Variants in MAGI2 observed in about 807,000 individuals in gnomAD.
MAGI2 encodes the protein membrane associated guanylate kinase, WW and PDZ domain containing 2, also known as membrane-associated guanylate kinase, WW and PDZ domain-containing protein 2.
A neutral mutation model predicts 133.3 loss-of-function variants in MAGI2; 35 were observed. The ratio of observed to expected loss-of-function variants is 0.26; its 90% CI spans 0.20 to 0.35. MAGI2 has a LOEUF of 0.35. Ranked by LOEUF, MAGI2 falls within the 10% of genes least tolerant of loss-of-function variation. The pLI, the probability that MAGI2 is intolerant of heterozygous loss-of-function variation, is 1.00. For missense variants in MAGI2, 1,636 were observed against 1,863.4 expected, an observed-to-expected ratio of 0.88 and a Z score of 2.25; for synonymous variants, 729 against 710.6, an observed-to-expected ratio of 1.03 and a Z score of -0.41.
intron 21 of MAGI2, among the ~76,000 whole-genome samples, chr7:78,038,197 AAC>A (rs1294996097): frequency 2.0e-5 from 3 of 152,218 alleles, no homozygotes; most frequent in Non-Finnish European, 2.9e-5. Flanking sequence ...TTCAGCCCCT[AAC>A]ACAGTGCTGG....
chr7:78,325,400 A>C (rs915482056), intron 9 of MAGI2, among the ~76,000 whole-genome samples: 4 of 152,136 alleles, frequency 2.6e-5, no homozygotes, highest in African/African-American at 9.7e-5. Context: ...ATTCCTTATG[A>C]CTTAAGAGAT....
At chr7:79,359,953 A>T (rs67289031) in intron 1 of MAGI2, among the ~76,000 whole-genome samples, 22,107 of 152,138 alleles carry the variant, frequency 0.15, 1,713 homozygotes, top group South Asian at 0.25. Flanking sequence ...TGATTTTCAA[A>T]GTGTAAATAA....
intron 1 of MAGI2, among the ~76,000 whole-genome samples, chr7:79,112,139 A>ATT (rs894210200): frequency 6.6e-6 from 1 of 150,416 alleles, no homozygotes; most frequent in African/African-American, 2.4e-5. Flanking sequence ...ATAATTATAC[A>ATT]TTTTTTTTTA....
At chr7:78,511,066 T>A (rs1275458016) in intron 4 of MAGI2, among the ~76,000 whole-genome samples, 1 of 152,174 alleles carries the variant, frequency 6.6e-6, no homozygotes, top group Non-Finnish European at 1.5e-5. Flanking sequence ...TTTGTTATAT[T>A]GATCTAAGGT....
intron 3 of MAGI2, among the ~76,000 whole-genome samples, chr7:78,609,451 A>C (rs1030745832): frequency 1.3e-5 from 2 of 152,248 alleles, no homozygotes; most frequent in Non-Finnish European, 2.9e-5. Context: ...AAAGTTGATA[A>C]AAAGTCAATA....
chr7:78,529,834 C>A (rs1202192666), intron 3 of MAGI2, among the ~76,000 whole-genome samples: 2 of 150,716 alleles, frequency 1.3e-5, no homozygotes, highest in African/African-American at 4.9e-5. Flanking sequence ...TTAAAATTTT[C>A]TAGTTAGCCA....
At chr7:78,647,626 C>T (rs1482413425) in intron 2 of MAGI2, among the ~76,000 whole-genome samples, 1 of 152,010 alleles carries the variant, frequency 6.6e-6, no homozygotes, top group South Asian at 2.1e-4. Flanking sequence ...ACCATTTGAC[C>T]CAGCAATCCC....
intron 2 of MAGI2, among the ~76,000 whole-genome samples, chr7:78,870,558 G>T (rs1794951247): frequency 6.6e-6 from 1 of 152,048 alleles, no homozygotes. Flanking sequence ...ATAAATATTG[G>T]CGTGGATGTT....
chr7:78,234,865 A>G (rs1311587441), intron 10 of MAGI2, among the ~76,000 whole-genome samples: 2 of 152,194 alleles, frequency 1.3e-5, no homozygotes, highest in East Asian at 1.9e-4. Flanking sequence ...GCTCTCATGC[A>G]TAAGCAACGA....
intron 6 of MAGI2, among the ~76,000 whole-genome samples, chr7:78,475,781 G>A (rs1791686198): frequency 6.6e-6 from 1 of 151,832 alleles, no homozygotes; most frequent in Non-Finnish European, 1.5e-5. Context: ...GGGACAAGGG[G>A]TGAGGAGAAA....
chr7:78,546,212 T>C (rs1490249261), intron 3 of MAGI2, among the ~76,000 whole-genome samples: 2 of 152,196 alleles, frequency 1.3e-5, no homozygotes, highest in African/African-American at 4.8e-5. Context: ...TTTAATGAGA[T>C]AAGCTTGAAC....
At chr7:79,173,321 T>C (rs1319292579) in intron 1 of MAGI2, among the ~76,000 whole-genome samples, 1 of 150,524 alleles carries the variant, frequency 6.6e-6, no homozygotes, top group East Asian at 2.0e-4. Flanking sequence ...ACTATTATAA[T>C]TGCATTTTTT....
In MAGI2 at chr7:78,387,456, A is replaced by AT. The variant is rs1369028698; in HGVS notation, c.1046-18244dup. Among the ~76,000 whole-genome samples the AT allele has an allele frequency of 2.0e-5, 3 of 152,288 alleles. No individual in the cohort carries two copies. In the East Asian group the frequency reaches 5.8e-4, roughly 29 times the overall value. On this transcript the variant is annotated intron_variant, in intron 6 of 21. Coordinates refer to ENST00000354212, the MANE Select transcript of MAGI2 (RefSeq NM_012301.4). ...GGATGGAAGAGGAGAGGAGAAACCA[A>AT]TTGGGGAAAAGCCTGACAGGGAATT...
At chr7:78,036,580 C>G (rs1810250558) in intron 21 of MAGI2, among the ~76,000 whole-genome samples, 1 of 152,090 alleles carries the variant, frequency 6.6e-6, no homozygotes, top group East Asian at 1.9e-4. Context: ...AGTTAAGTGG[C>G]TCATCCAGAG....
chr7:78,628,300 A>G (rs1234827323), intron 2 of MAGI2, among the ~76,000 whole-genome samples: 3 of 152,240 alleles, frequency 2.0e-5, no homozygotes, highest in Non-Finnish European at 4.4e-5. Flanking sequence ...AGAAATATAT[A>G]GAAGCCAGAT....
chr7:78,747,878 A>G (rs1823075886), intron 2 of MAGI2, among the ~76,000 whole-genome samples: 2 of 152,284 alleles, frequency 1.3e-5, no homozygotes, highest in East Asian at 1.9e-4. Flanking sequence ...CAAGACTGTA[A>G]GTTTCTACGT....
intron 1 of MAGI2, among the ~76,000 whole-genome samples, chr7:79,273,986 A>T (rs1202784360): frequency 6.6e-6 from 1 of 152,110 alleles, no homozygotes; most frequent in Non-Finnish European, 1.5e-5. Context: ...ATGCAGTTCA[A>T]CAGAAGTCAT....
chr7:79,342,968 T>A (rs537604157), intron 1 of MAGI2, among the ~76,000 whole-genome samples: 1 of 152,112 alleles, frequency 6.6e-6, no homozygotes, highest in South Asian at 2.1e-4. Context: ...TTCACCATGT[T>A]AGCCAGGCTA....
chr7:79,034,653 T>C (rs1810941263), intron 1 of MAGI2, among the ~76,000 whole-genome samples: 1 of 152,182 alleles, frequency 6.6e-6, no homozygotes, highest in Non-Finnish European at 1.5e-5. Flanking sequence ...CAGGGGATTA[T>C]AACTAAATCT....
Sources: gnomAD v4.1 joint callset for allele counts (sites outside exome capture counted in the v4.1 genomes callset) on GRCh38, gnomAD v4.1.1 for gene constraint, MANE v1.5 for transcripts, NCBI Gene and HGNC (gene_info 2026-07-23, HGNC 2026-07-21) for gene names.